RNASEH2B: variants seen among roughly 807,000 people sequenced by gnomAD.
The protein encoded by RNASEH2B is ribonuclease H2 subunit B.
RNASEH2B carries 36 observed loss-of-function variants against 45.0 expected under a neutral mutation model. That is an observed-to-expected ratio of 0.80 (90% CI 0.61 to 1.06). The LOEUF (loss-of-function observed/expected upper bound fraction) is 1.06, where lower values mean the gene tolerates loss of function less well. Among genes scored for constraint, RNASEH2B ranks in the 50% least tolerant of loss-of-function variants. The pLI is 0.00. For synonymous variants in RNASEH2B, 119 were observed against 125.7 expected (o/e 0.95, Z 0.35); for missense variants, 361 against 360.3 (o/e 1.00, Z -0.02).
chr13:50,930,313 G>A (rs896176176), intron 3 of RNASEH2B, among the ~76,000 whole-genome samples: 4 of 152,164 alleles, frequency 2.6e-5, no homozygotes, highest in Middle Eastern at 3.2e-3. Flanking sequence ...ATAGACTGAC[G>A]ATACAGGTTC....
intron 1 of RNASEH2B, among the ~76,000 whole-genome samples, chr13:50,915,874 G>A (rs899612595): frequency 1.3e-5 from 2 of 152,164 alleles, no homozygotes; most frequent in Non-Finnish European, 2.9e-5. Flanking sequence ...CTCCTCCGAG[G>A]GCCTAGGTCT....
At chr13:50,918,018 G>C (rs1879840486) in intron 1 of RNASEH2B, among the ~76,000 whole-genome samples, 1 of 152,096 alleles carries the variant, frequency 6.6e-6, no homozygotes, top group Non-Finnish European at 1.5e-5. Flanking sequence ...ATTTTTACTA[G>C]CTTCTTCACC....
intron 1 of RNASEH2B, chr13:50,912,688 TAATAAAGAA>T (rs1879495159): frequency 1.3e-5 from 2 of 152,180 alleles, no homozygotes; most frequent in South Asian, 4.1e-4. Context: ...GCTGGGCCCT[TAATAAAGAA>T]AACAAAGATT....
intron 5 of RNASEH2B, chr13:50,936,853 T>TC (rs1177316383): frequency 1.3e-5 from 2 of 152,162 alleles, no homozygotes; most frequent in Non-Finnish European, 2.9e-5. Context: ...TGTCATCCCT[T>TC]CCCTCTTGTA....
intron 5 of RNASEH2B, chr13:50,935,400 G>T: frequency 3.8e-6 from 1 of 259,930 alleles, no homozygotes. Flanking sequence ...TTGCACATTA[G>T]TGCTAAGCTC....
In RNASEH2B at chr13:50,948,006, C is replaced by T. The variant is rs753339416; in HGVS notation, c.636C>T (p.Ala212=). ...TDKEEDYIRY[A]HGLISDYIPK... Reference sequence around the variant, plus strand: ...TTTCAGAGGATTATATTCGTTATGCCCATGGTCTGATATCTGACTACATCC... The same window carrying T: ...TTTCAGAGGATTATATTCGTTATGCTCATGGTCTGATATCTGACTACATCC... Residue 212 remains alanine, a synonymous_variant, in exon 8 of 11, where the codon GCC becomes GCT. Coordinates refer to ENST00000336617, the MANE Select transcript of RNASEH2B (RefSeq NM_024570.4). 1 of 1,610,800 alleles carries T rather than the reference C, an allele frequency of 6.2e-7. No homozygotes were observed. The highest frequency in any genetic ancestry group is 8.5e-7 in the Non-Finnish European group (1 of 1,179,212).
At chr13:50,931,645 G>T (rs566649103) in intron 4 of RNASEH2B, among the ~76,000 whole-genome samples, 1 of 152,036 alleles carries the variant, frequency 6.6e-6, no homozygotes, top group East Asian at 1.9e-4. Flanking sequence ...AAAATATGCG[G>T]CCCCATACAT....
At chr13:50,922,500 G>T (rs1415691664) in intron 1 of RNASEH2B, among the ~76,000 whole-genome samples, 1 of 152,188 alleles carries the variant, frequency 6.6e-6, no homozygotes, top group Non-Finnish European at 1.5e-5. Flanking sequence ...CTTCAGCAAA[G>T]ATTGGATCAC....
chr13:50,969,326 A>G (rs1417416259), intron 9 of RNASEH2B, among the ~76,000 whole-genome samples: 1 of 152,082 alleles, frequency 6.6e-6, no homozygotes, highest in Non-Finnish European at 1.5e-5. Context: ...TTTGTAACAT[A>G]TAGCTCCAGA....
intron 1 of RNASEH2B, chr13:50,911,995 G>C (rs994555300): frequency 6.6e-6 from 1 of 152,146 alleles, no homozygotes; most frequent in African/African-American, 2.4e-5. Flanking sequence ...CCTGAAAATT[G>C]TAGGTTTTAA....
downstream of RNASEH2B, among the ~76,000 whole-genome samples, chr13:50,956,924 G>A (rs374386865): frequency 6.4e-5 from 9 of 140,708 alleles, no homozygotes; most frequent in South Asian, 2.2e-4. Flanking sequence ...TTTTTGACAC[G>A]GAGTCTCGCT....
chr13:50,917,957 C>T (rs562670375), intron 1 of RNASEH2B, among the ~76,000 whole-genome samples: 16 of 152,250 alleles, frequency 1.1e-4, no homozygotes, highest in African/African-American at 3.4e-4. Flanking sequence ...CATGCTCCAT[C>T]TCAGTATGTT....
intron 6 of RNASEH2B, among the ~76,000 whole-genome samples, chr13:50,944,216 C>A (rs111931481): frequency 0.01 from 1,560 of 152,128 alleles, 26 homozygotes; most frequent in African/African-American, 0.036. Flanking sequence ...AGCCACTGGT[C>A]TAAGGATAAT....
intron 5 of RNASEH2B, among the ~76,000 whole-genome samples, chr13:50,939,422 A>G: frequency 6.6e-6 from 1 of 151,984 alleles, no homozygotes; most frequent in Non-Finnish European, 1.5e-5. Flanking sequence ...TGGGAGGCTG[A>G]GGAGGAAAGA....
chr13:50,948,252 G>C, intron 8 of RNASEH2B, 184 bp downstream of exon 8: 1 of 909,822 alleles, frequency 1.1e-6, no homozygotes, highest in Non-Finnish European at 1.6e-6. Flanking sequence ...TGATTTGATG[G>C]ATACGGATTG....
chr13:50,931,906 T>C (rs566686988), intron 4 of RNASEH2B, among the ~76,000 whole-genome samples: 36 of 152,014 alleles, frequency 2.4e-4, no homozygotes, highest in Non-Finnish European at 4.1e-4. Context: ...TTGGAAAATA[T>C]TGATTTGCTG....
intron 9 of RNASEH2B, among the ~76,000 whole-genome samples, chr13:50,949,762 A>C (rs754489489): frequency 6.6e-6 from 1 of 152,214 alleles, no homozygotes; most frequent in Non-Finnish European, 1.5e-5. Context: ...TGAAAATATT[A>C]AAGACATATA....
At chr13:50,945,284 T>C (rs1327003584) in intron 6 of RNASEH2B, 143 bp from the exon 7 acceptor site, 1 of 656,410 alleles carries the variant, frequency 1.5e-6, no homozygotes, top group African/African-American at 1.8e-5. Flanking sequence ...TTTCTCATCT[T>C]CTGGTGTCTG....
At chr13:50,953,698 A>C in intron 9 of RNASEH2B, 1 of 597,528 alleles carries the variant, frequency 1.7e-6, no homozygotes, top group South Asian at 2.0e-5. Flanking sequence ...ACCATCACCA[A>C]GGCTGCTTCT....
Sources: allele counts gnomAD v4.1 joint callset (sites outside exome capture counted in the v4.1 genomes callset), GRCh38; gene constraint gnomAD v4.1.1; transcripts MANE v1.5; gene names NCBI Gene and HGNC (gene_info 2026-07-23, HGNC 2026-07-21).